Variants in CLSTN2 observed in about 807,000 individuals in gnomAD.
CLSTN2 encodes calsyntenin-2.
CLSTN2 carries 48 observed loss-of-function variants against 101.2 expected under a neutral mutation model. That is an observed-to-expected ratio of 0.47 (90% CI 0.38 to 0.60). CLSTN2 has a LOEUF of 0.60. Among genes scored for constraint, CLSTN2 ranks in the 20% least tolerant of loss-of-function variants. The pLI is 0.00. For missense variants in CLSTN2, 1,160 were observed against 1,238.2 expected (o/e 0.94, Z 0.95); for synonymous variants, 481 against 463.6 (o/e 1.04, Z -0.48).
chr3:140,073,091 G>A (rs766482085), intron 1 of CLSTN2, among the ~76,000 whole-genome samples: 15 of 152,110 alleles, frequency 9.9e-5, no homozygotes, highest in Admixed American at 2.0e-4. Context: ...TGGAACTTTG[G>A]GCTGTTCTTT....
At chr3:140,526,971 T>G (rs1445456066) in intron 8 of CLSTN2, among the ~76,000 whole-genome samples, 1 of 152,130 alleles carries the variant, frequency 6.6e-6, no homozygotes, top group Admixed American at 6.5e-5. Flanking sequence ...AAAACCCCAA[T>G]TATAAAAATC....
chr3:140,238,876 C>A (rs563243067), intron 2 of CLSTN2, among the ~76,000 whole-genome samples: 1 of 152,190 alleles, frequency 6.6e-6, no homozygotes, highest in South Asian at 2.1e-4. Context: ...AATCATAGAA[C>A]GATTAAGGCA....
chr3:140,402,880 G>T (rs184988134), intron 2 of CLSTN2, among the ~76,000 whole-genome samples: 152 of 152,270 alleles, frequency 1.0e-3, no homozygotes, highest in African/African-American at 3.6e-3. Context: ...CCTCTGTTTT[G>T]CTCCCTCAAA....
intron 1 of CLSTN2, among the ~76,000 whole-genome samples, chr3:140,061,743 T>C (rs894199185): frequency 6.6e-6 from 1 of 152,252 alleles, no homozygotes; most frequent in Non-Finnish European, 1.5e-5. Flanking sequence ...CCAAGGCAGA[T>C]GGAAAATCTT....
intron 10 of CLSTN2, among the ~76,000 whole-genome samples, chr3:140,555,926 C>T (rs568539180): frequency 6.6e-6 from 1 of 152,118 alleles, no homozygotes; most frequent in Non-Finnish European, 1.5e-5. Flanking sequence ...GGGCTGCTGG[C>T]AGATGTGTAA....
At chr3:140,312,720 T>G (rs2087183011) in intron 2 of CLSTN2, among the ~76,000 whole-genome samples, 1 of 152,214 alleles carries the variant, frequency 6.6e-6, no homozygotes, top group Admixed American at 6.5e-5. Context: ...AATGAAATTG[T>G]AATTAATTTG....
At chr3:140,155,089 A>G (rs1446121158) in intron 1 of CLSTN2, among the ~76,000 whole-genome samples, 4 of 152,074 alleles carry the variant, frequency 2.6e-5, no homozygotes, top group African/African-American at 9.7e-5. Context: ...CAGCCTTGAG[A>G]GGGTCTAAAC....
At chr3:140,418,452 G>A (rs1215533865) in intron 4 of CLSTN2, among the ~76,000 whole-genome samples, 1 of 151,398 alleles carries the variant, frequency 6.6e-6, no homozygotes, top group Non-Finnish European at 1.5e-5. Context: ...TGTATTGTTA[G>A]AAGTAGTCCA....
At chr3:140,214,580 C>G (rs963656061) in intron 2 of CLSTN2, among the ~76,000 whole-genome samples, 13 of 152,142 alleles carry the variant, frequency 8.5e-5, no homozygotes, top group African/African-American at 3.1e-4. Context: ...TCCAAGTAAC[C>G]TGGTCACACT....
At chr3:140,544,707 G>A (rs1395656675) in intron 9 of CLSTN2, among the ~76,000 whole-genome samples, 1 of 152,018 alleles carries the variant, frequency 6.6e-6, no homozygotes, top group Admixed American at 6.6e-5. Flanking sequence ...AAGGCTCAGG[G>A]TGGGGAGGGG....
At chr3:139,958,681 C>T (rs926473704) in intron 1 of CLSTN2, among the ~76,000 whole-genome samples, 37 of 151,568 alleles carry the variant, frequency 2.4e-4, no homozygotes, top group African/African-American at 8.0e-4. Context: ...TCTGTAGACT[C>T]GGGATTTGAC....
At chr3:140,237,091 T>C (rs77089233) in intron 2 of CLSTN2, among the ~76,000 whole-genome samples, 2,944 of 152,128 alleles carry the variant, frequency 0.019, 96 homozygotes, top group African/African-American at 0.067. Flanking sequence ...TAGTGAACTT[T>C]ATGTTGTTTA....
intron 2 of CLSTN2, among the ~76,000 whole-genome samples, chr3:140,233,276 C>T (rs1448900282): frequency 4.6e-5 from 7 of 152,258 alleles, no homozygotes; most frequent in Non-Finnish European, 7.4e-5. Flanking sequence ...GACACTTGGT[C>T]GACTCCGCAT....
chr3:139,942,180 C>T (rs1935142889), intron 1 of CLSTN2, among the ~76,000 whole-genome samples: 1 of 152,162 alleles, frequency 6.6e-6, no homozygotes, highest in Admixed American at 6.5e-5. Flanking sequence ...AGAATATTTG[C>T]TTGGATTTTA....
intron 2 of CLSTN2, among the ~76,000 whole-genome samples, chr3:140,217,774 A>C (rs1264227235): frequency 6.6e-6 from 1 of 152,254 alleles, no homozygotes; most frequent in Non-Finnish European, 1.5e-5. Context: ...AGAAAACCAG[A>C]ACACTATTGT....
At chr3:140,198,427 A>G (rs137935249) in intron 2 of CLSTN2, among the ~76,000 whole-genome samples, 150 of 152,290 alleles carry the variant, frequency 9.8e-4, no homozygotes, top group African/African-American at 3.5e-3. Context: ...CCCAGCTGAA[A>G]GAAAGGCTTT....
At chr3:140,125,331 G>C (rs781186995) in intron 1 of CLSTN2, among the ~76,000 whole-genome samples, 3 of 152,044 alleles carry the variant, frequency 2.0e-5, no homozygotes, top group Non-Finnish European at 4.4e-5. Context: ...GGACAGAGAG[G>C]GCAGTTACAG....
chr3:140,407,919 A>G (rs1056796144), intron 4 of CLSTN2, among the ~76,000 whole-genome samples: 2 of 152,204 alleles, frequency 1.3e-5, no homozygotes, highest in African/African-American at 4.8e-5. Context: ...TACAGGATGC[A>G]TGGCAGTGAT....
chr3:140,253,503 TA>T (rs2086580523), intron 2 of CLSTN2, among the ~76,000 whole-genome samples: 1 of 152,176 alleles, frequency 6.6e-6, no homozygotes, highest in African/African-American at 2.4e-5. Flanking sequence ...TAATCCACTT[TA>T]AAAACCCAAA....
Sources: allele counts gnomAD v4.1 joint callset (sites outside exome capture counted in the v4.1 genomes callset), GRCh38; gene constraint gnomAD v4.1.1; transcripts MANE v1.5; gene names NCBI Gene and HGNC (gene_info 2026-07-23, HGNC 2026-07-21).